The following FARP1 variants were observed in gnomAD, a reference collection of about 807,000 sequenced individuals.
FARP1 encodes the protein FERM, ARHGEF and pleckstrin domain-containing protein 1.
A neutral mutation model predicts 128.8 loss-of-function variants in FARP1; 52 were observed. The ratio of observed to expected loss-of-function variants is 0.40; its 90% confidence interval spans 0.32 to 0.51. FARP1 has a LOEUF of 0.51. Among genes scored for constraint, FARP1 ranks in the 20% least tolerant of loss-of-function variants. The probability of loss-of-function intolerance (pLI) is 0.45; values close to 1 mark genes in which losing one functional copy is unlikely to be tolerated. For missense variants in FARP1, 1,333 were observed against 1,367.9 expected, an observed-to-expected ratio of 0.97 and a Z score of 0.40; for synonymous variants, 580 against 551.8, an observed-to-expected ratio of 1.05 and a Z score of -0.72.
At chr13:98,161,766 G>A (rs541056816) in intron 1 of FARP1, among the ~76,000 whole-genome samples, 5 of 150,214 alleles carry the variant, frequency 3.3e-5, no homozygotes, top group African/African-American at 9.8e-5. Flanking sequence ...TCCCTCCATC[G>A]TTCCTTCCTT....
intron 11 of FARP1, among the ~76,000 whole-genome samples, chr13:98,392,634 C>T (rs1344024094): frequency 2.0e-5 from 3 of 152,084 alleles, no homozygotes; most frequent in African/African-American, 4.8e-5. Context: ...AAGGGCCATA[C>T]AGTAGTATGA....
At chr13:98,151,574 G>A (rs1446984391) in intron 1 of FARP1, among the ~76,000 whole-genome samples, 1 of 150,530 alleles carries the variant, frequency 6.6e-6, no homozygotes, top group Non-Finnish European at 1.5e-5. Flanking sequence ...TGACATTTTA[G>A]AGTAAGGAAG....
intron 2 of FARP1, among the ~76,000 whole-genome samples, chr13:98,256,948 G>GGTGTATATATATAT (rs59128917): frequency 1.3e-5 from 1 of 77,076 alleles, no homozygotes; most frequent in Non-Finnish European, 2.7e-5. Context: ...TATATATGTG[G>GGTGTATATATATAT]ATATATATAT....
rs541880417 is a variant in FARP1 at position 98,331,757 on chromosome 13, C to T, written c.172-12005C>T. The T allele has an allele frequency of 4.6e-5, 7 of 152,250 alleles. No individual in the cohort carries two copies. In the East Asian group the frequency reaches 1.2e-3, roughly 25 times the overall value. 9.4% of individuals were successfully genotyped at this position (152,250 alleles called of 1,614,324 possible). A position where few individuals can be genotyped will look rare whatever the true frequency, so the allele number is the denominator to read the frequency against. ...TGGGAAAGCCAGTGTCCAGGCAGGC[C>T]AGGAGACCTGCCTGAGCCCCACAGC... On this transcript the variant is annotated intron_variant, in intron 2 of 26. Coordinates refer to ENST00000319562, the MANE Select transcript of FARP1 (RefSeq NM_005766.4).
intron 1 of FARP1, among the ~76,000 whole-genome samples, chr13:98,182,983 CTATACCA>C (rs1445628344): frequency 6.6e-6 from 1 of 152,128 alleles, no homozygotes; most frequent in Non-Finnish European, 1.5e-5. Flanking sequence ...CTGGTATGTC[CTATACCA>C]TAATATCTGT....
chr13:98,412,910 G>A (rs7323690), intron 16 of FARP1, among the ~76,000 whole-genome samples: 34,525 of 152,162 alleles, frequency 0.23, 4,171 homozygotes, highest in Middle Eastern at 0.29. Flanking sequence ...AATAGAACCC[G>A]TTATGGGCTG....
intron 1 of FARP1, 57 bp from the exon 2 acceptor site, chr13:98,213,163 A>G: frequency 1.4e-6 from 2 of 1,449,362 alleles, no homozygotes; most frequent in Non-Finnish European, 1.9e-6. Flanking sequence ...GGTGGCACAC[A>G]GCTTGGGTGG....
At chr13:98,373,527 CAG>C (rs1889443063) in intron 5 of FARP1, among the ~76,000 whole-genome samples, 7 of 120,452 alleles carry the variant, frequency 5.8e-5, no homozygotes, top group African/African-American at 2.5e-4. Context: ...CAGAGACAGA[CAG>C]ACAGACACAC....
At chr13:98,203,423 C>T (rs544370762) in intron 1 of FARP1, among the ~76,000 whole-genome samples, 10 of 152,320 alleles carry the variant, frequency 6.6e-5, no homozygotes, top group African/African-American at 2.4e-4. Flanking sequence ...AATCCCAGCC[C>T]CAGGCAACTA....
intron 1 of FARP1, among the ~76,000 whole-genome samples, chr13:98,200,720 C>T (rs1022807242): frequency 1.4e-4 from 22 of 152,096 alleles, no homozygotes; most frequent in African/African-American, 5.3e-4. Context: ...AGGAGAAAGG[C>T]CTGTAAAGCC....
intron 2 of FARP1, among the ~76,000 whole-genome samples, chr13:98,290,458 C>T (rs564585463): frequency 2.0e-4 from 30 of 152,062 alleles, no homozygotes; most frequent in African/African-American, 7.0e-4. Context: ...CGTGCAAAGG[C>T]CCTGAGGTAG....
At chr13:98,360,614 C>T (rs1888832906) in intron 3 of FARP1, among the ~76,000 whole-genome samples, 2 of 152,218 alleles carry the variant, frequency 1.3e-5, no homozygotes, top group Admixed American at 1.3e-4. Context: ...GAATAAACTT[C>T]TGTAGTTTAG....
At chr13:98,153,289 TATATATAAATATATTTA>T (rs1566669671) in intron 1 of FARP1, among the ~76,000 whole-genome samples, 3 of 12,838 alleles carry the variant, frequency 2.3e-4, no homozygotes, top group Non-Finnish European at 1.0e-3. Context: ...ATATATAAAA[TATATATAAATATATTTA>T]TATATAAAAT....
chr13:98,294,416 A>G (rs1037176461), intron 2 of FARP1, among the ~76,000 whole-genome samples: 3 of 152,204 alleles, frequency 2.0e-5, no homozygotes, highest in African/African-American at 7.2e-5. Context: ...TACTGTTATA[A>G]TATTTATTTG....
intron 1 of FARP1, among the ~76,000 whole-genome samples, chr13:98,145,543 G>C (rs371653512): frequency 4.9e-5 from 7 of 144,144 alleles, no homozygotes; most frequent in African/African-American, 1.7e-4. Flanking sequence ...AAGGAACCTG[G>C]AGGAACGTTT....
intron 12 of FARP1, among the ~76,000 whole-genome samples, chr13:98,394,342 C>T (rs1401009284): frequency 6.6e-6 from 1 of 152,152 alleles, no homozygotes; most frequent in Non-Finnish European, 1.5e-5. Context: ...CAAAAAAACC[C>T]CTTTCCCCGT....
At chr13:98,255,644 A>G (rs1883550299) in intron 2 of FARP1, among the ~76,000 whole-genome samples, 1 of 152,248 alleles carries the variant, frequency 6.6e-6, no homozygotes, top group Admixed American at 6.5e-5. Context: ...AGTAATATGC[A>G]TAAGATGGAA....
chr13:98,231,976 C>T (rs1476257739), intron 2 of FARP1, among the ~76,000 whole-genome samples: 1 of 151,888 alleles, frequency 6.6e-6, no homozygotes, highest in Admixed American at 6.6e-5. Flanking sequence ...TACAGGTACT[C>T]GTCACCACGC....
intron 2 of FARP1, among the ~76,000 whole-genome samples, chr13:98,237,857 T>G (rs1335524155): frequency 1.3e-5 from 2 of 152,114 alleles, no homozygotes; most frequent in African/African-American, 4.8e-5. Context: ...GAAAAATTAG[T>G]CAAGTGGTCG....
Sources: gnomAD v4.1 joint callset for allele counts (sites outside exome capture counted in the v4.1 genomes callset) on GRCh38, gnomAD v4.1.1 for gene constraint, MANE v1.5 for transcripts, NCBI Gene and HGNC (gene_info 2026-07-23, HGNC 2026-07-21) for gene names.